The following RDX variants were observed in gnomAD, a reference collection of about 807,000 sequenced individuals.
RDX encodes the protein radixin, also known as deafness, autosomal recessive 24.
Under a neutral mutation model 83.7 loss-of-function variants are expected in RDX, and 32 were observed. The observed-to-expected ratio is 0.38, with a 90% CI of 0.29 to 0.51. The LOEUF is 0.51. RDX is among the 20% of genes least tolerant of loss of function. RDX has a pLI of 0.87. For synonymous variants in RDX, 229 were observed against 222.7 expected (o/e 1.03, Z -0.25); for missense variants, 600 against 689.9 (o/e 0.87, Z 1.46).
chr11:110,295,307 C>CT (rs1288352010), intron 1 of RDX, among the ~76,000 whole-genome samples: 12 of 58,366 alleles, frequency 2.1e-4, no homozygotes, highest in African/African-American at 5.4e-4. Context: ...ATTTAGTGTT[C>CT]TAAAAAAAAA....
intron 14 of RDX, among the ~76,000 whole-genome samples, chr11:110,203,819 A>G (rs1351023567): frequency 1.3e-5 from 2 of 152,170 alleles, no homozygotes; most frequent in Non-Finnish European, 2.9e-5. Context: ...TTTATTTAAA[A>G]AGAAAAAACT....
intron 14 of RDX, among the ~76,000 whole-genome samples, chr11:110,201,903 T>TTTTG (rs1863420229): frequency 3.6e-5 from 5 of 137,216 alleles, no homozygotes. Flanking sequence ...CCGGCTAATT[T>TTTTG]TGTGTGTGTG....
chr11:110,256,938 C>T (rs1186766974), intron 7 of RDX, among the ~76,000 whole-genome samples: 1 of 151,882 alleles, frequency 6.6e-6, no homozygotes, highest in Non-Finnish European at 1.5e-5. Flanking sequence ...CTGGAGCCAA[C>T]CTAGAATAAA....
intron 10 of RDX, among the ~76,000 whole-genome samples, chr11:110,247,438 A>C (rs1859155120): frequency 6.6e-6 from 1 of 152,192 alleles, no homozygotes; most frequent in African/African-American, 2.4e-5. Context: ...ATTTAAGAAT[A>C]CATATGAAAA....
chr11:110,235,597 C>T (rs561395548), intron 12 of RDX, among the ~76,000 whole-genome samples: 1 of 152,308 alleles, frequency 6.6e-6, no homozygotes, highest in African/African-American at 2.4e-5. Context: ...TCGATACTCC[C>T]ACTGCCTTGC....
At chr11:110,199,585 T>A (rs1456935619) in exon 15 of RDX, 1 of 702,872 alleles carries the variant, frequency 1.4e-6, no homozygotes, top group South Asian at 1.5e-5. Flanking sequence ...ACTTACCTAG[T>A]GAGGGAGGGA....
intron 14 of RDX, among the ~76,000 whole-genome samples, chr11:110,200,009 G>A (rs749619359): frequency 1.2e-4 from 18 of 152,182 alleles, no homozygotes; most frequent in Non-Finnish European, 2.6e-4. Context: ...ATTTAGAATA[G>A]TAGGTCTTGT....
chr11:110,228,106 TAAG>T (rs1864490888), downstream of RDX, among the ~76,000 whole-genome samples: 2 of 151,920 alleles, frequency 1.3e-5, no homozygotes, highest in Non-Finnish European at 2.9e-5. Context: ...ATGGACATAG[TAAG>T]AAGTAGGTCT....
intron 14 of RDX, among the ~76,000 whole-genome samples, chr11:110,218,189 A>G (rs1446360664): frequency 6.6e-6 from 1 of 152,228 alleles, no homozygotes; most frequent in Non-Finnish European, 1.5e-5. Context: ...TGTTAGAGAC[A>G]GCATTTTCTT....
chr11:110,272,367 T>G (rs955671323), intron 3 of RDX, among the ~76,000 whole-genome samples, 169 bp downstream of exon 3: 2 of 152,216 alleles, frequency 1.3e-5, no homozygotes, highest in African/African-American at 4.8e-5. Context: ...TGTGAAAGAA[T>G]AAAGAATATC....
In RDX at chr11:110,189,243, T is replaced by TAAAAAAAAAAAAAAAAAA. The variant is rs35450797; in HGVS notation, c.*31+10320_*31+10337dup. On this transcript the variant is annotated intron_variant, in intron 15 of 15. Transcript: ENST00000528498. ...AAACAAACTTTAAATGAACAACAGG[T>TAAAAAAAAAAAAAAAAAA]AAAAAAAAAAAAAAAAAAAAAAAAA... 2.1e-3 allele frequency among the ~76,000 whole-genome samples: 74 copies of TAAAAAAAAAAAAAAAAAA among 35,580 alleles called. 5 individuals are homozygous for TAAAAAAAAAAAAAAAAAA. The highest frequency in any genetic ancestry group is 3.0e-3 in the African/African-American group (38 of 12,772). The allele number at this position is 35,580 out of a possible 152,430, so 23.3% of individuals were successfully genotyped here. A position where few individuals can be genotyped will look rare whatever the true frequency, so the allele number is the denominator to read the frequency against.
intron 10 of RDX, among the ~76,000 whole-genome samples, chr11:110,246,977 T>G (rs549364290): frequency 2.8e-4 from 43 of 152,304 alleles, no homozygotes; most frequent in South Asian, 8.3e-4. Context: ...ATGTTACCCC[T>G]GAGAGCCTGC....
Position 110,272,609 on chromosome 11 carries a change from C to T in RDX, c.23G>A (p.Arg8Lys). 6.2e-7 allele frequency: 1 copy of T among 1,608,648 alleles called. No individual in the cohort carries two copies. Among genetic ancestry groups the T allele is most frequent in the Non-Finnish European group, 8.5e-7 (1 of 1,176,458 alleles). Residue 8 changes from arginine (R) to lysine (K), a missense_variant, in exon 3 of 14, where the codon AGA becomes AAA. Transcript: ENST00000645495. ...CAGCTCAGCATCCATTGTAGTTACT[C>T]TTACGTTGATCTGTAATAAAAATAA... MPKPINV[R>K]VTTMDAELEF... is the part of the protein sequence containing the mutation.
intron 15 of RDX, among the ~76,000 whole-genome samples, chr11:110,194,337 G>A (rs1329313132): frequency 2.6e-5 from 4 of 152,104 alleles, no homozygotes; most frequent in East Asian, 1.9e-4. Flanking sequence ...CTCCTGCCTC[G>A]GTCTCCCGAG....
intron 14 of RDX, among the ~76,000 whole-genome samples, chr11:110,222,935 A>T (rs1370601208): frequency 6.6e-6 from 1 of 152,228 alleles, no homozygotes; most frequent in Non-Finnish European, 1.5e-5. Flanking sequence ...GGTTTTAAGA[A>T]ACCCAAGTGA....
At chr11:110,225,118 A>G (rs550024359), downstream of RDX, among the ~76,000 whole-genome samples, 7 of 152,306 alleles carry the variant, frequency 4.6e-5, no homozygotes, top group Middle Eastern at 3.4e-3. Flanking sequence ...CAGTCTAGAG[A>G]CTAACCATAT....
At chr11:110,290,475 G>A (rs4133511) in intron 1 of RDX, among the ~76,000 whole-genome samples, 2 of 151,034 alleles carry the variant, frequency 1.3e-5, no homozygotes, top group South Asian at 2.1e-4. Flanking sequence ...TCAAGCCACC[G>A]CACTCTGGCC....
intron 15 of RDX, among the ~76,000 whole-genome samples, chr11:110,193,689 AACACCTCATTTT>A (rs555895642): frequency 6.6e-6 from 1 of 152,214 alleles, no homozygotes; most frequent in Non-Finnish European, 1.5e-5. Context: ...ATTTAGTCCA[AACACCTCATTTT>A]ACAGCAGAGG....
chr11:110,199,749 G>A, intron 14 of RDX: 1 of 702,460 alleles, frequency 1.4e-6, no homozygotes, highest in Non-Finnish European at 2.6e-6. Flanking sequence ...GAATGGGCAG[G>A]CTGACTACTT....
Sources: gnomAD v4.1 joint callset for allele counts (sites outside exome capture counted in the v4.1 genomes callset) on GRCh38, gnomAD v4.1.1 for gene constraint, MANE v1.5 for transcripts, NCBI Gene and HGNC (gene_info 2026-07-23, HGNC 2026-07-21) for gene names.